The following ABCA10 variants were observed in gnomAD, a reference collection of about 807,000 sequenced individuals.
ABCA10 encodes ATP-binding cassette sub-family A member 10.
A neutral mutation model predicts 187.5 loss-of-function variants in ABCA10; 169 were observed. That is an observed-to-expected ratio of 0.90 (90% CI 0.80 to 1.02). ABCA10 has a LOEUF of 1.02. ABCA10 is among the 50% of genes least tolerant of loss of function. ABCA10 has a pLI of 0.00. For synonymous variants in ABCA10, 574 were observed against 601.8 expected (o/e 0.95, Z 0.68); for missense variants, 1,727 against 1,812.4 (o/e 0.95, Z 0.86).
intron 30 of ABCA10, 46 bp downstream of exon 30, chr17:69,154,973 G>A (rs951810148): frequency 7.2e-7 from 1 of 1,397,044 alleles, no homozygotes; most frequent in Non-Finnish European, 1.0e-6. Flanking sequence ...TAAATCTAGA[G>A]AATAAGGAAC....
intron 9 of ABCA10, among the ~76,000 whole-genome samples, chr17:69,210,170 C>CT (rs1160992125): frequency 0.012 from 875 of 70,896 alleles, 142 homozygotes; most frequent in African/African-American, 0.02. Context: ...GTGGTTATTT[C>CT]TTTTTTTTTT....
intron 20 of ABCA10, among the ~76,000 whole-genome samples, chr17:69,184,929 A>ACACG (rs1183725292): frequency 6.6e-6 from 1 of 151,466 alleles, no homozygotes; most frequent in East Asian, 1.9e-4. Context: ...ACACACACAC[A>ACACG]CACACACACA....
chr17:69,214,961 C>T, intron 8 of ABCA10, 110 bp from the exon 9 acceptor site: 4 of 752,920 alleles, frequency 5.3e-6, no homozygotes, highest in Non-Finnish European at 7.7e-6. Flanking sequence ...TATTTTAATA[C>T]CTTTTCAAAT....
chr17:69,154,468 A>G (rs1332912376), intron 30 of ABCA10, 142 bp from the exon 31 acceptor site: 2 of 625,314 alleles, frequency 3.2e-6, no homozygotes, highest in Non-Finnish European at 5.3e-6. Flanking sequence ...TCTGTTGCCT[A>G]GGCTGGACTG....
At position 69,174,318 on chromosome 17, in the gene ABCA10, C is replaced by T. The variant is rs1178894058; in HGVS notation, c.3125G>A (p.Arg1042Lys). 47 of 1,608,270 alleles carry T rather than the reference C, an allele frequency of 2.9e-5. No homozygotes were observed. The East Asian group carries it at 1.0e-3, about 35-fold the overall frequency. ...YVLSFIFRKW[R>K]KNNGFWSFGF... ...AAAAGACCAAAAGCCATTATTTTTT[C>T]TCCACTTGCGAAAGATGAATGAAAG... Residue 1042 changes from arginine (R) to lysine (K), a missense_variant, in exon 25 of 39, where the codon AGA (arginine) becomes AAA (lysine). By Grantham distance (26) the Arg-to-Lys change is conservative (BLOSUM62 2). Coordinates refer to ENST00000690296, the MANE Select transcript of ABCA10 (RefSeq NM_001377321.1).
At chr17:69,164,843 G>T in intron 26 of ABCA10, 121 bp downstream of exon 26, 2 of 1,240,514 alleles carry the variant, frequency 1.6e-6, no homozygotes, top group Non-Finnish European at 2.2e-6. Flanking sequence ...CTTATTTTTA[G>T]AATTTATCAG....
At chr17:69,198,191 C>A (rs146609376) in intron 10 of ABCA10, among the ~76,000 whole-genome samples, 44 of 152,288 alleles carry the variant, frequency 2.9e-4, no homozygotes, top group African/African-American at 1.0e-3. Context: ...TTGAATTTAT[C>A]TCTTTACTAC....
chr17:69,191,368 C>G, intron 16 of ABCA10, 53 bp from the exon 17 acceptor site: 2 of 1,428,526 alleles, frequency 1.4e-6, no homozygotes, highest in Middle Eastern at 1.9e-4. Context: ...AACACCACCA[C>G]TCATGAAAAG....
At chr17:69,193,409 G>GT in intron 14 of ABCA10, 84 bp downstream of exon 14, 1 of 1,524,376 alleles carries the variant, frequency 6.6e-7, no homozygotes, top group Non-Finnish European at 8.8e-7. Flanking sequence ...CTCACATTTG[G>GT]TAATTACAGT....
intron 1 of ABCA10, among the ~76,000 whole-genome samples, chr17:69,227,552 C>T (rs1283588093): frequency 6.6e-6 from 1 of 151,738 alleles, no homozygotes; most frequent in African/African-American, 2.4e-5. Flanking sequence ...CACTTTTTTT[C>T]CATGAAATCT....
intron 10 of ABCA10, among the ~76,000 whole-genome samples, 187 bp from the exon 11 acceptor site, chr17:69,197,309 C>A (rs1424917271): frequency 6.6e-6 from 1 of 151,670 alleles, no homozygotes; most frequent in Non-Finnish European, 1.5e-5. Flanking sequence ...TGCTAATACT[C>A]TTATCAAACT....
intron 36 of ABCA10, 58 bp downstream of exon 36, chr17:69,151,981 CTAAT>C: frequency 6.4e-7 from 1 of 1,555,590 alleles, no homozygotes; most frequent in Non-Finnish European, 8.6e-7. Flanking sequence ...TAGCACAAAA[CTAAT>C]TGATGCTAAT....
chr17:69,204,927 G>A (rs930275272), intron 9 of ABCA10, among the ~76,000 whole-genome samples: 1 of 152,186 alleles, frequency 6.6e-6, no homozygotes, highest in African/African-American at 2.4e-5. Flanking sequence ...CCAGGAGTTT[G>A]AGACCAGCCT....
At chr17:69,199,216 T>C (rs9906018) in intron 10 of ABCA10, among the ~76,000 whole-genome samples, 1 of 152,142 alleles carries the variant, frequency 6.6e-6, no homozygotes, top group East Asian at 1.9e-4. Context: ...CTACACTAGG[T>C]TGGATGATCC....
chr17:69,174,541 C>A, intron 24 of ABCA10, 66 bp downstream of exon 24: 1 of 1,482,514 alleles, frequency 6.7e-7, no homozygotes, highest in South Asian at 1.4e-5. Flanking sequence ...ACAAAACATT[C>A]ATGAAAATGA....
chr17:69,215,646 G>A (rs1226740929), intron 8 of ABCA10, 169 bp downstream of exon 8: 18 of 577,910 alleles, frequency 3.1e-5, no homozygotes, highest in Admixed American at 2.9e-4. Flanking sequence ...TGCCTGCTTT[G>A]TTTATCCATT....
chr17:69,205,197 T>A (rs1394732719), intron 9 of ABCA10, among the ~76,000 whole-genome samples: 1 of 152,166 alleles, frequency 6.6e-6, no homozygotes, highest in African/African-American at 2.4e-5. Context: ...TGAAATTTAA[T>A]CAAATGTAAG....
upstream of ABCA10, among the ~76,000 whole-genome samples, chr17:69,231,983 CTCTT>C (rs2074835094): frequency 6.6e-6 from 1 of 151,968 alleles, no homozygotes; most frequent in Non-Finnish European, 1.5e-5. Flanking sequence ...CTGTACTGGC[CTCTT>C]TATCATTATA....
chr17:69,240,562 T>C (rs1324201456), intron 1 of ABCA10, among the ~76,000 whole-genome samples: 6 of 152,200 alleles, frequency 3.9e-5, no homozygotes, highest in African/African-American at 1.2e-4. Flanking sequence ...CACTCTTCGG[T>C]TGGTACAGTG....
Sources: gnomAD v4.1 joint callset for allele counts (sites outside exome capture counted in the v4.1 genomes callset) on GRCh38, gnomAD v4.1.1 for gene constraint, MANE v1.5 for transcripts, NCBI Gene and HGNC (gene_info 2026-07-23, HGNC 2026-07-21) for gene names.